Variants in CPSF4 observed in about 807,000 individuals in gnomAD.
CPSF4 encodes the protein cleavage and polyadenylation specificity factor subunit 4.
Under a neutral mutation model 37.7 loss-of-function variants are expected in CPSF4, and 11 were observed. The observed-to-expected ratio is 0.29, with a 90% CI of 0.18 to 0.48. The LOEUF is 0.48. Ranked by LOEUF, CPSF4 falls within the 20% of genes least tolerant of loss-of-function variation. The pLI, the probability that CPSF4 is intolerant of heterozygous loss-of-function variation, is 0.99. For missense variants in CPSF4, 144 were observed against 359.5 expected, an observed-to-expected ratio of 0.40 and a Z score of 4.85; for synonymous variants, 132 against 135.9, an observed-to-expected ratio of 0.97 and a Z score of 0.20.
chr7:99,444,839 G>T lies in CPSF4; in HGVS notation c.154G>T (p.Gly52Trp). 6.2e-7 allele frequency: 1 copy of T among 1,613,532 alleles called. No individual in the cohort carries two copies. Among genetic ancestry groups the T allele is most frequent in the South Asian group, 1.1e-5 (1 of 91,052 alleles). The change falls in exon 2 of 8, where the codon GGG becomes TGG. Residue 52 changes from glycine (G) to tryptophan (W), a missense_variant and splice_region_variant. Physicochemically the swap from Gly to Trp is radical, Grantham distance 184. Coordinates refer to ENST00000292476, the MANE Select transcript of CPSF4 (RefSeq NM_006693.4). ...EFFLKAACGK[G>W]GMCPFRHISG... ...CTTTTTGAAAGCTGCCTGCGGCAAA[G>T]GTAAGAAACTCCGGGCTCCCTGATG...
chr7:99,456,283 C>T (rs569139588), intron 7 of CPSF4, 149 bp from the exon 8 acceptor site: 42 of 699,334 alleles, frequency 6.0e-5, no homozygotes, highest in African/African-American at 5.4e-4. Flanking sequence ...TTGAAAGAAA[C>T]TCTGTACCAC....
At chr7:99,449,333 T>A (rs1797775955) in intron 3 of CPSF4, 1 of 152,340 alleles carries the variant, frequency 6.6e-6, no homozygotes. Context: ...CCCCAAGTGC[T>A]GTCCCTGTCA....
At chr7:99,456,137 GGA>G (rs1439233230) in intron 7 of CPSF4, among the ~76,000 whole-genome samples, 15 of 152,226 alleles carry the variant, frequency 9.9e-5, no homozygotes, top group Non-Finnish European at 1.9e-4. Context: ...TGTCCAGGTG[GGA>G]GAGTTGTGGG....
At chr7:99,444,499 T>G (rs1295931350) in intron 1 of CPSF4, among the ~76,000 whole-genome samples, 1 of 152,120 alleles carries the variant, frequency 6.6e-6, no homozygotes, top group Non-Finnish European at 1.5e-5. Context: ...ACTCCAGCCT[T>G]CCTTTCCCCA....
chr7:99,444,963 A>G, intron 2 of CPSF4, 124 bp downstream of exon 2: 1 of 851,952 alleles, frequency 1.2e-6, no homozygotes, highest in Non-Finnish European at 1.9e-6. Flanking sequence ...CGATCTCTGT[A>G]GATAAAACTG....
At chr7:99,449,003 C>T (rs915807711) in intron 3 of CPSF4, 3 of 152,508 alleles carry the variant, frequency 2.0e-5, no homozygotes, top group Admixed American at 6.6e-5. Context: ...CGGAGTCTGG[C>T]AGAGATGTGC....
intron 1 of CPSF4, among the ~76,000 whole-genome samples, chr7:99,442,668 A>AAC (rs1797110981): frequency 6.6e-6 from 1 of 151,264 alleles, no homozygotes; most frequent in African/African-American, 2.4e-5. Context: ...AAAAAAAAAA[A>AAC]AAAAAAACAA....
intron 6 of CPSF4, chr7:99,452,749 G>C (rs1798025274): frequency 6.3e-6 from 2 of 315,824 alleles, no homozygotes; most frequent in Admixed American, 4.7e-5. Context: ...CCTGGGGCTG[G>C]CATGGAGGGC....
chr7:99,445,330 C>T (rs1797392677), intron 2 of CPSF4, among the ~76,000 whole-genome samples: 1 of 152,128 alleles, frequency 6.6e-6, no homozygotes, highest in Non-Finnish European at 1.5e-5. Context: ...GCGAGAATCC[C>T]TTGAACCAGG....
At chr7:99,452,310 T>C in intron 5 of CPSF4, 58 bp from the exon 6 acceptor site, 1 of 1,434,472 alleles carries the variant, frequency 7.0e-7, no homozygotes, top group Non-Finnish European at 9.8e-7. Context: ...GCTTCTCTTC[T>C]CATCCCCTGA....
intron 2 of CPSF4, among the ~76,000 whole-genome samples, chr7:99,447,113 A>G (rs958937379): frequency 2.0e-5 from 3 of 150,352 alleles, no homozygotes; most frequent in Non-Finnish European, 1.5e-5. Context: ...TGGCTGGCTT[A>G]CTTACTTACT....
At chr7:99,454,807 A>AC (rs1798191435) in intron 7 of CPSF4, among the ~76,000 whole-genome samples, 1 of 152,068 alleles carries the variant, frequency 6.6e-6, no homozygotes, top group African/African-American at 2.4e-5. Flanking sequence ...GGCAGGAGTA[A>AC]CCCCCAGTAC....
At chr7:99,441,609 G>A (rs531038433) in intron 1 of CPSF4, 65 of 444,530 alleles carry the variant, frequency 1.5e-4, no homozygotes, top group Non-Finnish European at 2.6e-4. Context: ...CTATCCACAT[G>A]AGACTCAGTT....
At chr7:99,447,270 T>C (rs1299407232) in intron 2 of CPSF4, among the ~76,000 whole-genome samples, 3 of 149,158 alleles carry the variant, frequency 2.0e-5, no homozygotes, top group Non-Finnish European at 4.4e-5. Flanking sequence ...TTTTTTTTTT[T>C]CTTTTTTTTT....
At chr7:99,443,909 ACT>A (rs1797251776) in intron 1 of CPSF4, among the ~76,000 whole-genome samples, 1 of 151,712 alleles carries the variant, frequency 6.6e-6, no homozygotes, top group South Asian at 2.1e-4. Flanking sequence ...ACAGAGCGAG[ACT>A]CTGTCTCAAA....
chr7:99,439,240 C>G (rs1388708011), intron 1 of CPSF4, 55 bp downstream of exon 1: 2 of 1,319,792 alleles, frequency 1.5e-6, no homozygotes, highest in African/African-American at 2.9e-5. Context: ...GGGACCCGCT[C>G]CTCTGTGATC....
At chr7:99,439,405 C>T (rs1054825677) in intron 1 of CPSF4, 3 of 484,488 alleles carry the variant, frequency 6.2e-6, no homozygotes, top group African/African-American at 2.0e-5. Context: ...TACCGAACTC[C>T]CTCATCTGTG....
intron 2 of CPSF4, among the ~76,000 whole-genome samples, chr7:99,445,504 G>A (rs1562858320): frequency 6.6e-6 from 1 of 152,156 alleles, no homozygotes; most frequent in Non-Finnish European, 1.5e-5. Flanking sequence ...TCAGCTTATG[G>A]AGCTCCACTG....
At chr7:99,449,674 G>A (rs1379081770) in intron 3 of CPSF4, among the ~76,000 whole-genome samples, 2 of 152,218 alleles carry the variant, frequency 1.3e-5, no homozygotes, top group Non-Finnish European at 2.9e-5. Flanking sequence ...TAGCTGATAG[G>A]CCATGAGACG....
Sources: allele counts gnomAD v4.1 joint callset (sites outside exome capture counted in the v4.1 genomes callset), GRCh38; gene constraint gnomAD v4.1.1; transcripts MANE v1.5; gene names NCBI Gene and HGNC (gene_info 2026-07-23, HGNC 2026-07-21).